KCNQ1: variants seen among roughly 807,000 people sequenced by gnomAD.
KCNQ1 encodes the protein potassium voltage-gated channel subfamily Q member 1.
A neutral mutation model predicts 72.4 loss-of-function variants in KCNQ1; 49 were observed. That is an observed-to-expected ratio of 0.68 (90% CI 0.54 to 0.86). KCNQ1 has a LOEUF of 0.86. Among genes scored for constraint, KCNQ1 ranks in the 40% least tolerant of loss-of-function variants. The pLI is 0.00. For missense variants in KCNQ1, 790 were observed against 945.1 expected, an observed-to-expected ratio of 0.84 and a Z score of 2.15; for synonymous variants, 450 against 412.6, an observed-to-expected ratio of 1.09 and a Z score of -1.10.
chr11:2,600,059 C>G lies in KCNQ1; in HGVS notation c.1393+11205C>G, dbSNP rs1848779538. Among the ~76,000 whole-genome samples, 1 of 152,120 alleles carries G rather than the reference C, an allele frequency of 6.6e-6. No individual in the cohort carries two copies. Among genetic ancestry groups the G allele is most frequent in the African/African-American group, 2.4e-5 (1 of 41,428 alleles). ...TTTCCCGGCCGGCATTCCTGCCCAC[C>G]AGTCCTGGCAGAGTGACTTATTGTC... is the stretch of plus-strand genomic sequence containing the variant. On this transcript the variant is annotated intron_variant, in intron 10 of 15. Transcript: ENST00000155840. This position sits in a 1 kb window ranked among gnomAD's most constrained non-coding sequence, Gnocchi z 5.6.
intron 11 of KCNQ1, among the ~76,000 whole-genome samples, chr11:2,718,413 C>T (rs1172622685): frequency 2.6e-5 from 4 of 152,236 alleles, no homozygotes; most frequent in Admixed American, 6.5e-5. Flanking sequence ...TTGATCCCCG[C>T]AGCACCAGCC....
At chr11:2,821,946 A>AGTGAAGGAT (rs1254263165) in intron 15 of KCNQ1, among the ~76,000 whole-genome samples, 1 of 152,114 alleles carries the variant, frequency 6.6e-6, no homozygotes, top group Non-Finnish European at 1.5e-5. Flanking sequence ...AGGGTGACTA[A>AGTGAAGGAT]GTGAAGGATC....
At chr11:2,722,077 A>G (rs1467089681) in intron 11 of KCNQ1, among the ~76,000 whole-genome samples, 7 of 152,048 alleles carry the variant, frequency 4.6e-5, no homozygotes, top group Non-Finnish European at 8.8e-5. Flanking sequence ...GGGCCCACAC[A>G]GACAGCCTAC....
At chr11:2,643,306 A>G (rs953193568) in intron 10 of KCNQ1, 14 of 398,138 alleles carry the variant, frequency 3.5e-5, no homozygotes, top group Non-Finnish European at 6.2e-5. Context: ...TTCCCTTCAG[A>G]TTTGATGTTT....
intron 15 of KCNQ1, among the ~76,000 whole-genome samples, chr11:2,823,649 A>T (rs1179986551): frequency 1.3e-5 from 2 of 152,220 alleles, no homozygotes; most frequent in African/African-American, 4.8e-5. Flanking sequence ...AAGAGAAAAT[A>T]GGTGGGACTG....
Position 2,462,363 on chromosome 11 carries a change from C to T in KCNQ1, c.386+16879C>T, listed in dbSNP as rs557333201. Among the ~76,000 whole-genome samples, 19 of 152,332 alleles carry T rather than the reference C, an allele frequency of 1.2e-4. No homozygotes were observed. Among genetic ancestry groups the T allele is most frequent in the Middle Eastern group, 6.8e-3 (2 of 294 alleles). On this transcript the variant is annotated intron_variant, in intron 1 of 15. Transcript: ENST00000155840. The surrounding 1 kb of genome is among the most constrained non-coding windows in gnomAD (Gnocchi z 8.2). ...TTGCCTCCTCCTCCTTCTGACTTGC[C>T]TCCTCTCTCTGACGGGCCTGCTCCT...
intron 1 of KCNQ1, among the ~76,000 whole-genome samples, chr11:2,521,220 C>T (rs147266745): frequency 6.6e-6 from 1 of 152,212 alleles, no homozygotes; most frequent in East Asian, 1.9e-4. Flanking sequence ...AATCCCACTC[C>T]CTCTCCCCGG....
At chr11:2,604,332 G>T (rs986936472) in intron 10 of KCNQ1, among the ~76,000 whole-genome samples, 4 of 151,448 alleles carry the variant, frequency 2.6e-5, no homozygotes, top group Admixed American at 2.6e-4. Flanking sequence ...ACAAAAATTA[G>T]CTGGGCATGG....
At chr11:2,573,454 A>C (rs1373423429) in intron 6 of KCNQ1, among the ~76,000 whole-genome samples, 1 of 152,196 alleles carries the variant, frequency 6.6e-6, no homozygotes, top group Non-Finnish European at 1.5e-5. Flanking sequence ...GGAGCCAGAC[A>C]TGAGACAGCA....
Position 2,827,260 on chromosome 11 carries a change from C to T in KCNQ1, c.1795-20507C>T, listed in dbSNP as rs1590114577. On this transcript the variant is annotated intron_variant, in intron 15 of 15. Transcript: ENST00000155840. The surrounding 1 kb of genome is among the most constrained non-coding windows in gnomAD (Gnocchi z 6.7). The stretch of plus-strand genomic sequence containing the variant: ...GCCCAAATAAGAGAGAACTTTGCCA[C>T]CCGCAGGGTCCCAGAGTAGCAGAAG... Among the ~76,000 whole-genome samples the T allele has an allele frequency of 6.6e-6, 1 of 151,982 alleles. No individual in the cohort carries two copies. Among genetic ancestry groups the T allele is most frequent in the African/African-American group, 2.4e-5 (1 of 41,372 alleles).
intron 7 of KCNQ1, among the ~76,000 whole-genome samples, chr11:2,584,744 C>T (rs1206767563): frequency 6.6e-6 from 1 of 152,042 alleles, no homozygotes; most frequent in East Asian, 1.9e-4. Context: ...ATCACACATG[C>T]ACGTGCACCA....
chr11:2,631,987 C>T (rs1205870135), intron 10 of KCNQ1: 4 of 396,164 alleles, frequency 1.0e-5, no homozygotes, highest in African/African-American at 6.2e-5. Context: ...TCGAGACCAT[C>T]CTGGCTAACA....
Position 2,646,201 on chromosome 11 carries a change from TGGA to T in KCNQ1, c.1394-15754_1394-15752del, listed in dbSNP as rs1590002497. On this transcript the variant is annotated intron_variant, in intron 10 of 15. Transcript: ENST00000155840. ...GTGGTTACCTACTTGCTATATTTTG[TGGA>T]GGAGGTGAGTGCCAGATGCCTCTAG... The T allele has an allele frequency of 2.8e-5, 11 of 398,646 alleles. No homozygotes were observed. The East Asian group carries it at 3.9e-4, about 14-fold the overall frequency. The allele number at this position is 398,646 out of a possible 1,614,324, so 24.7% of individuals were successfully genotyped here.
rs889283635 is a variant in KCNQ1, at chr11:2,720,992, G to A, written c.1515-47852G>A. Among the ~76,000 whole-genome samples the A allele has an allele frequency of 1.3e-5, 2 of 152,156 alleles. No individual in the cohort carries two copies. Among genetic ancestry groups the A allele is most frequent in the African/African-American group, 4.8e-5 (2 of 41,432 alleles). On this transcript the variant is annotated intron_variant, in intron 11 of 15. Transcript: ENST00000155840. This position sits in a 1 kb window ranked among gnomAD's most constrained non-coding sequence, Gnocchi z 5.1. Reference sequence around the variant, plus strand: ...GGACTCGGGCAGGCACAGCTTTCCAGGCCAGAGCCATGGACGGTCCCTGGA... The same window carrying A: ...GGACTCGGGCAGGCACAGCTTTCCAAGCCAGAGCCATGGACGGTCCCTGGA...
rs1564852882 is a variant in KCNQ1 at position 2,671,302 on chromosome 11, C to CT, written c.1514+9225dup. The CT allele has an allele frequency of 2.5e-6, 1 of 398,520 alleles. No homozygotes were observed. The highest frequency in any genetic ancestry group is 4.4e-6 in the Non-Finnish European group (1 of 226,076). 24.7% of individuals were successfully genotyped at this position (398,520 alleles called of 1,614,324 possible). A position where few individuals can be genotyped will look rare whatever the true frequency, so the allele number is the denominator to read the frequency against. On this transcript the variant is annotated intron_variant, in intron 11 of 15. Transcript: ENST00000155840. This position sits in a 1 kb window ranked among gnomAD's most constrained non-coding sequence, Gnocchi z 4.7. Reference sequence around the variant, plus strand: ...GCCTCTGATCTTCTCCATAAGTAATCTTTTCCCATGTGTGGCTGCAGCCTC... The same window carrying CT: ...GCCTCTGATCTTCTCCATAAGTAATCTTTTTCCCATGTGTGGCTGCAGCCTC...
In KCNQ1 at chr11:2,621,679, C is replaced by T. The variant is rs914524856; in HGVS notation, c.1393+32825C>T. 1 of 398,362 alleles carries T rather than the reference C, an allele frequency of 2.5e-6. No individual in the cohort carries two copies. The highest frequency in any genetic ancestry group is 4.4e-6 in the Non-Finnish European group (1 of 225,982). 24.7% of individuals were successfully genotyped at this position (398,362 alleles called of 1,614,324 possible). A position where few individuals can be genotyped will look rare whatever the true frequency, so the allele number is the denominator to read the frequency against. ...TCCAATTTGTTGGGATATAATTGTT[C>T]ATAAAAGTCCCTTATGATCCTTTTT... On this transcript the variant is annotated intron_variant, in intron 10 of 15. Coordinates refer to ENST00000155840, the MANE Select transcript of KCNQ1 (RefSeq NM_000218.3). The surrounding 1 kb of genome is among the most constrained non-coding windows in gnomAD (Gnocchi z 5.7).
chr11:2,773,542 AAGGGAGCTCAGC>A (rs1197863839), intron 12 of KCNQ1, among the ~76,000 whole-genome samples: 1 of 151,454 alleles, frequency 6.6e-6, no homozygotes, highest in East Asian at 2.0e-4. Context: ...CATCTTACAG[AAGGGAGCTCAGC>A]ATTTTCATCC....
chr11:2,838,347 C>T (rs1389169640), intron 15 of KCNQ1, among the ~76,000 whole-genome samples: 1 of 152,048 alleles, frequency 6.6e-6, no homozygotes. Flanking sequence ...CAGGGACCGG[C>T]GCGCCGGGAA....
chr11:2,649,835 C>G (rs756770551), intron 10 of KCNQ1: 11 of 398,320 alleles, frequency 2.8e-5, no homozygotes, highest in Non-Finnish European at 4.0e-5. Flanking sequence ...TAGTCTCTTT[C>G]TCTCCCAAAC....
Sources: allele counts gnomAD v4.1 joint callset (sites outside exome capture counted in the v4.1 genomes callset), GRCh38; gene constraint gnomAD v4.1.1; non-coding constraint Gnocchi (gnomAD v3.1); transcripts MANE v1.5; gene names NCBI Gene and HGNC (gene_info 2026-07-23, HGNC 2026-07-21).